The following PCDHA2 variants were observed in gnomAD, a reference collection of about 807,000 sequenced individuals.
The protein encoded by PCDHA2 is protocadherin alpha 2.
Under a neutral mutation model 66.0 loss-of-function variants are expected in PCDHA2, and 58 were observed. The observed-to-expected ratio is 0.88, with a 90% CI of 0.71 to 1.09. The LOEUF (loss-of-function observed/expected upper bound fraction) is 1.09. PCDHA2 is among the 50% of genes least tolerant of loss of function. The pLI is 0.00. For synonymous variants in PCDHA2, 634 were observed against 554.0 expected (o/e 1.14, Z -2.03); for missense variants, 1,267 against 1,242.3 (o/e 1.02, Z -0.30).
At chr5:140,962,431 A>G (rs782205198) in intron 1 of PCDHA2, among the ~76,000 whole-genome samples, 2 of 152,126 alleles carry the variant, frequency 1.3e-5, no homozygotes, top group Non-Finnish European at 2.9e-5. Flanking sequence ...ATTGTTACTT[A>G]TCCAAAGATG....
intron 1 of PCDHA2, chr5:140,831,157 A>G (rs1274029046): frequency 6.6e-6 from 1 of 152,206 alleles, no homozygotes; most frequent in African/African-American, 2.4e-5. Context: ...ACCGATCTAA[A>G]TAATGGAAAA....
chr5:140,871,489 G>A (rs782277615), intron 1 of PCDHA2: 6 of 1,590,138 alleles, frequency 3.8e-6, no homozygotes, highest in Non-Finnish European at 5.1e-6. Flanking sequence ...AAATCACCCC[G>A]GACAGGTGAG....
chr5:140,885,051 A>G (rs2060446316), intron 1 of PCDHA2, among the ~76,000 whole-genome samples: 1 of 152,230 alleles, frequency 6.6e-6, no homozygotes, highest in Non-Finnish European at 1.5e-5. Context: ...TAATGTATAC[A>G]TATACCCACA....
chr5:140,927,731 T>G lies in PCDHA2; in HGVS notation c.2389-51218T>G, dbSNP rs781789205. 19 of 1,614,078 alleles carry G rather than the reference T, an allele frequency of 1.2e-5. No individual in the cohort carries two copies. The highest frequency in any genetic ancestry group is 1.4e-5 in the Non-Finnish European group (17 of 1,180,038). ...CTAAGCAACAGCACGCAAGCAGAGC[T>G]GCGACACCGCTTTCACGTGCACCCT... On this transcript the variant is annotated intron_variant, in intron 1 of 3. Transcript: ENST00000526136.
intron 1 of PCDHA2, chr5:140,871,299 G>A (rs782459625): frequency 1.9e-6 from 3 of 1,613,916 alleles, no homozygotes; most frequent in South Asian, 1.1e-5. Context: ...GCGCGTGCGC[G>A]CCGGGGAAGC....
In PCDHA2 at chr5:140,845,055, G is replaced by T. The variant is rs2150376092; in HGVS notation, c.2388+47703G>T. 3.3e-5 allele frequency among the ~76,000 whole-genome samples: 5 copies of T among 149,320 alleles called. 1 individual carries two copies. The highest frequency in any genetic ancestry group is 6.0e-5 in the Non-Finnish European group (4 of 66,724). ...TTTTAGCCCCCTTGTCCAACTGAAG[G>T]TAACCTCAAAGCAGCATTGTTTTGT... On this transcript the variant is annotated intron_variant, in intron 1 of 3. Transcript: ENST00000526136.
At chr5:140,856,839 AC>A (rs1220009978) in intron 1 of PCDHA2, 1 of 1,592,554 alleles carries the variant, frequency 6.3e-7, no homozygotes, top group East Asian at 2.2e-5. Context: ...ATACGGCTCA[AC>A]GCTTCTGATT....
Position 140,877,055 on chromosome 5 carries a change from T to C in PCDHA2, c.2388+79703T>C, listed in dbSNP as rs566250084. 7 of 1,612,792 alleles carry C rather than the reference T, an allele frequency of 4.3e-6. No homozygotes were observed. The Admixed American group carries it at 5.0e-5, about 12-fold the overall frequency. On this transcript the variant is annotated intron_variant, in intron 1 of 3. Coordinates refer to ENST00000526136, the MANE Select transcript of PCDHA2 (RefSeq NM_018905.3). ...CTGCAGCCGCTAGACCACGAGGAGC[T>C]GGAGCTGCTGCAGTTCCAGGTGAGC... is the stretch of plus-strand genomic sequence containing the variant.
chr5:140,995,956 G>A (rs1480673532), intron 3 of PCDHA2, among the ~76,000 whole-genome samples: 1 of 152,214 alleles, frequency 6.6e-6, no homozygotes, highest in African/African-American at 2.4e-5. Flanking sequence ...CACGCAAAAT[G>A]CTTAGAACCA....
intron 2 of PCDHA2, among the ~76,000 whole-genome samples, chr5:140,979,612 G>A (rs1223690856): frequency 6.6e-6 from 1 of 152,042 alleles, no homozygotes; most frequent in Admixed American, 6.6e-5. Flanking sequence ...CTAGAGTAAC[G>A]GTATTAGTCT....
intron 1 of PCDHA2, chr5:140,801,354 G>T: frequency 6.2e-7 from 1 of 1,613,438 alleles, no homozygotes; most frequent in East Asian, 2.2e-5. Context: ...GCAGGACCTG[G>T]GGCTGGAGCT....
intron 1 of PCDHA2, chr5:140,809,578 T>C (rs1295072007): frequency 6.4e-7 from 1 of 1,570,600 alleles, no homozygotes. Flanking sequence ...CAAAGGTTAG[T>C]GTATAACATC....
Position 140,941,114 on chromosome 5 carries a change from T to G in PCDHA2, c.2389-37835T>G, listed in dbSNP as rs193134067. ...TTTCACATACTATTACTGGAAAGAT[T>G]AGTCCTTTGAAGTTCCAGCTTAATG... On this transcript the variant is annotated intron_variant, in intron 1 of 3. Coordinates refer to ENST00000526136, the MANE Select transcript of PCDHA2 (RefSeq NM_018905.3). Among the ~76,000 whole-genome samples, 307 of 152,230 alleles carry G rather than the reference T, an allele frequency of 2.0e-3. 3 individuals carry two copies. Among genetic ancestry groups the G allele is most frequent in the African/African-American group, 7.2e-3 (299 of 41,546 alleles).
intron 1 of PCDHA2, chr5:140,871,632 T>G (rs1554165792): frequency 7.2e-7 from 1 of 1,380,660 alleles, no homozygotes; most frequent in Non-Finnish European, 9.6e-7. Context: ...ACAATGTCTG[T>G]TCATAAAATA....
chr5:140,947,188 T>C (rs2153678869), intron 1 of PCDHA2, among the ~76,000 whole-genome samples: 1 of 151,448 alleles, frequency 6.6e-6, no homozygotes, highest in South Asian at 2.1e-4. Context: ...CATGGTATAC[T>C]ACACAGCCTT....
chr5:141,010,923 A>T lies in PCDHA2; in HGVS notation c.*986A>T, dbSNP rs184389417. The T allele has an allele frequency of 4.0e-3, 619 of 153,912 alleles. 3 individuals are homozygous for T. Among genetic ancestry groups the T allele is most frequent in the Admixed American group, 6.2e-3 (95 of 15,302 alleles). The allele number at this position is 153,912 out of a possible 1,614,324, so 9.5% of individuals were successfully genotyped here. A position where few individuals can be genotyped will look rare whatever the true frequency, so the allele number is the denominator to read the frequency against. ...TCCCCTAAACTCTCCTCAAAAGAGA[A>T]TTCAGTCTACAGCCATTTAAATGAT... On this transcript the variant is annotated 3_prime_UTR_variant, in exon 4 of 4. Coordinates refer to ENST00000526136, the MANE Select transcript of PCDHA2 (RefSeq NM_018905.3).
chr5:140,875,517 G>A (rs2055556431), intron 1 of PCDHA2: 7 of 1,614,024 alleles, frequency 4.3e-6, no homozygotes, highest in Non-Finnish European at 5.9e-6. Flanking sequence ...AGCGTCTGCT[G>A]CTCTCGCTTC....
rs2150357061 is a variant in PCDHA2, at chr5:140,843,307, G to A, written c.2388+45955G>A. 9.4e-6 allele frequency: 15 copies of A among 1,595,858 alleles called. 1 individual carries two copies. In the African/African-American group the frequency reaches 1.1e-4, roughly 11 times the overall value. Reference sequence around the variant, plus strand: ...ATGGTGAACCTGCGCTGACCGCCACGGCCACGGTTCTGGTGTCGCTGGTGG... The same window carrying A: ...ATGGTGAACCTGCGCTGACCGCCACAGCCACGGTTCTGGTGTCGCTGGTGG... On this transcript the variant is annotated intron_variant, in intron 1 of 3. Coordinates refer to ENST00000526136, the MANE Select transcript of PCDHA2 (RefSeq NM_018905.3).
At chr5:140,995,087 C>T (rs1482673933) in intron 3 of PCDHA2, among the ~76,000 whole-genome samples, 1 of 152,222 alleles carries the variant, frequency 6.6e-6, no homozygotes, top group Non-Finnish European at 1.5e-5. Flanking sequence ...CCAAACTTAT[C>T]TGTGGAGATA....
Sources: gnomAD v4.1 joint callset for allele counts (sites outside exome capture counted in the v4.1 genomes callset) on GRCh38, gnomAD v4.1.1 for gene constraint, MANE v1.5 for transcripts, NCBI Gene and HGNC (gene_info 2026-07-23, HGNC 2026-07-21) for gene names.